RHOA: variants seen among roughly 807,000 people sequenced by gnomAD.
The protein encoded by RHOA is ras homolog family member A, also known as transforming protein RhoA.
RHOA carries 3 observed loss-of-function variants against 17.5 expected under a neutral mutation model. The observed-to-expected ratio is 0.17, with a 90% CI of 0.08 to 0.44. The LOEUF (loss-of-function observed/expected upper bound fraction) is 0.44, where lower values mean the gene tolerates loss of function less well. Ranked by LOEUF, RHOA falls within the 20% of genes least tolerant of loss-of-function variation. The pLI is 0.99. For synonymous variants in RHOA, 98 were observed against 88.4 expected (o/e 1.11, Z -0.61); for missense variants, 56 against 242.3 (o/e 0.23, Z 5.10).
intron 1 of RHOA, among the ~76,000 whole-genome samples, chr3:49,376,132 C>T (rs554743666): frequency 3.9e-5 from 6 of 152,086 alleles, no homozygotes; most frequent in African/African-American, 9.6e-5. Context: ...TGAGCCACCA[C>T]GCCTGGCCTG....
intron 1 of RHOA, among the ~76,000 whole-genome samples, chr3:49,382,507 G>A (rs1041160760): frequency 6.6e-6 from 1 of 151,838 alleles, no homozygotes; most frequent in Non-Finnish European, 1.5e-5. Flanking sequence ...GTGGTGGTGC[G>A]CATCTGTGGT....
intron 1 of RHOA, among the ~76,000 whole-genome samples, chr3:49,397,372 A>G (rs951733732): frequency 3.3e-5 from 5 of 152,104 alleles, no homozygotes; most frequent in Admixed American, 3.3e-4. Flanking sequence ...AGGTGATAAT[A>G]ATGTTCTAAA....
chr3:49,399,996 G>A (rs1218975293), intron 1 of RHOA, among the ~76,000 whole-genome samples: 9 of 151,766 alleles, frequency 5.9e-5, no homozygotes, highest in Admixed American at 1.3e-4. Context: ...CGAGGTGGGC[G>A]AATCAGGAGT....
At chr3:49,383,730 G>A (rs558515139) in intron 1 of RHOA, among the ~76,000 whole-genome samples, 111 of 152,026 alleles carry the variant, frequency 7.3e-4, no homozygotes, top group Non-Finnish European at 1.5e-3. Context: ...GGGAATTCAC[G>A]TTTAAAGACC....
intron 2 of RHOA, among the ~76,000 whole-genome samples, chr3:49,372,066 C>T (rs2107844021): frequency 6.6e-6 from 1 of 152,306 alleles, no homozygotes; most frequent in Non-Finnish European, 1.5e-5. Context: ...AAATGCCAAC[C>T]TGACATTGCT....
chr3:49,387,209 C>T (rs1412002318), intron 1 of RHOA, among the ~76,000 whole-genome samples: 2 of 145,470 alleles, frequency 1.4e-5, no homozygotes, highest in Admixed American at 7.1e-5. Context: ...CTTTGGGAGG[C>T]CGAGGCGGGC....
rs542134264 is a variant in RHOA, at chr3:49,394,909, T to C, written c.-3+16911A>G. On this transcript the variant is annotated intron_variant, in intron 1 of 4. Transcript: ENST00000418115. ...GTAACGATGGTTCAGGAATACTTTC[T>C]AAGGTGAGGAAACAGCTTGAGCAAA... Among the ~76,000 whole-genome samples the C allele has an allele frequency of 3.3e-5, 5 of 152,212 alleles. No homozygotes were observed. In the South Asian group the frequency reaches 6.2e-4, roughly 19 times the overall value.
chr3:49,386,761 G>A (rs982929359), intron 1 of RHOA, among the ~76,000 whole-genome samples: 2 of 152,086 alleles, frequency 1.3e-5, no homozygotes, highest in Admixed American at 1.3e-4. Context: ...CTCAGTCTCT[G>A]ATGTATTTGA....
At chr3:49,404,798 C>T (rs1267267331) in intron 1 of RHOA, among the ~76,000 whole-genome samples, 1 of 149,658 alleles carries the variant, frequency 6.7e-6, no homozygotes, top group African/African-American at 2.5e-5. Flanking sequence ...ATTAGCCAGG[C>T]GTGGCAGCAT....
chr3:49,381,420 A>AG (rs2048315205), intron 1 of RHOA, among the ~76,000 whole-genome samples: 2 of 151,026 alleles, frequency 1.3e-5, no homozygotes, highest in Non-Finnish European at 3.0e-5. Context: ...AAAAAAAAAA[A>AG]GTTAGCTGGG....
chr3:49,391,133 G>A (rs946503468), intron 1 of RHOA, among the ~76,000 whole-genome samples: 8 of 151,452 alleles, frequency 5.3e-5, no homozygotes, highest in Admixed American at 2.6e-4. Flanking sequence ...CAGGAGAACC[G>A]CTTGTACCCG....
At chr3:49,363,390 T>C (rs1335031851) in intron 3 of RHOA, among the ~76,000 whole-genome samples, 1 of 151,970 alleles carries the variant, frequency 6.6e-6, no homozygotes, top group Admixed American at 6.6e-5. Context: ...ACTGCACTCC[T>C]GGGCGACAGA....
intron 1 of RHOA, among the ~76,000 whole-genome samples, chr3:49,399,490 T>C (rs1033512422): frequency 3.9e-5 from 6 of 151,902 alleles, no homozygotes; most frequent in Non-Finnish European, 7.4e-5. Flanking sequence ...TACATAGATA[T>C]ACAAAACAGG....
At chr3:49,400,889 C>CA (rs1438265187) in intron 1 of RHOA, among the ~76,000 whole-genome samples, 1 of 150,908 alleles carries the variant, frequency 6.6e-6, no homozygotes, top group Non-Finnish European at 1.5e-5. Context: ...ACTAAAAATA[C>CA]AAAAAAATTA....
chr3:49,375,237 G>A (rs2048207425), intron 2 of RHOA, among the ~76,000 whole-genome samples, 197 bp downstream of exon 2: 1 of 151,670 alleles, frequency 6.6e-6, no homozygotes, highest in African/African-American at 2.4e-5. Context: ...TCTAGCCTGG[G>A]CAACAGAATG....
Position 49,405,902 on chromosome 3 carries a change from T to C in RHOA, c.-3+5918A>G, listed in dbSNP as rs575113145. 2.7e-4 allele frequency among the ~76,000 whole-genome samples: 41 copies of C among 152,196 alleles called. 1 individual carries two copies. Among genetic ancestry groups the C allele is most frequent in the Non-Finnish European group, 2.1e-4 (14 of 68,000 alleles). On this transcript the variant is annotated intron_variant, in intron 1 of 4. Transcript: ENST00000418115. The stretch of plus-strand genomic sequence containing the variant: ...GTTTCACCATGTTGGTCAGACTGGT[T>C]TCGAACTCCTGACCTCAGGTGACCC...
chr3:49,392,629 G>A (rs1377050259), intron 1 of RHOA, among the ~76,000 whole-genome samples: 1 of 152,092 alleles, frequency 6.6e-6, no homozygotes, highest in East Asian at 1.9e-4. Flanking sequence ...TTACAGGTGT[G>A]AACTACTGCA....
At chr3:49,375,188 A>G (rs1202619500) in intron 2 of RHOA, among the ~76,000 whole-genome samples, 1 of 151,912 alleles carries the variant, frequency 6.6e-6, no homozygotes, top group Non-Finnish European at 1.5e-5. Context: ...TGAACCTGGG[A>G]GGCAGAGGTT....
chr3:49,377,069 G>A (rs1321452096), intron 1 of RHOA, among the ~76,000 whole-genome samples: 12 of 152,056 alleles, frequency 7.9e-5, no homozygotes, highest in Non-Finnish European at 1.5e-5. Flanking sequence ...CAGAGGTTGT[G>A]GTGAGCCGAG....
Sources: gnomAD v4.1 joint callset for allele counts (sites outside exome capture counted in the v4.1 genomes callset) on GRCh38, gnomAD v4.1.1 for gene constraint, MANE v1.5 for transcripts, NCBI Gene and HGNC (gene_info 2026-07-23, HGNC 2026-07-21) for gene names.